Variants in RENBP observed in about 807,000 individuals in gnomAD.
RENBP encodes renin binding protein.
Under a neutral mutation model 37.8 loss-of-function variants are expected in RENBP, and 16 were observed. The ratio of observed to expected loss-of-function variants is 0.42; its 90% CI spans 0.29 to 0.64. The LOEUF is 0.64. Ranked by LOEUF, RENBP falls within the 30% of genes least tolerant of loss-of-function variation. RENBP has a pLI of 0.19. For synonymous variants in RENBP, 170 were observed against 154.8 expected (o/e 1.10, Z -0.73); for missense variants, 347 against 379.5 (o/e 0.91, Z 0.71).
chrX:153,935,311 G>T lies in RENBP; in HGVS notation c.1259C>A (p.Thr420Asn), dbSNP rs1412846764. 1.5e-5 allele frequency: 14 copies of T among 930,118 alleles called. No homozygotes were observed. Among genetic ancestry groups the T allele is most frequent in the Non-Finnish European group, 2.0e-5 (14 of 712,188 alleles). The allele number at this position is 930,118 out of a possible 1,213,427, so 76.7% of individuals were successfully genotyped here. The change falls in exon 11 of 11, where the codon ACC becomes AAC. Residue 420 changes from threonine (T) to asparagine (N), a missense_variant. Physicochemically the swap from Thr to Asn is moderately conservative, Grantham distance 65. Around this residue, in one of 3 missense-constraint regions of RENBP, gnomAD observed 91 missense variants for 67.7 expected, o/e 1.34. Transcript: ENST00000393700. Reference protein sequence around the residue: ...RPAPAPSPAPTPACRGAE With the variant: ...RPAPAPSPAPNPACRGAE ...TTATTCCGCGCCTCGGCAGGCGGGG[G>T]TGGGGGCGGGGGAGGGGGCGGGGGC...
At chrX:153,943,412 G>T in intron 5 of RENBP, 134 bp downstream of exon 5, 1 of 641,686 alleles carries the variant, frequency 1.6e-6, no homozygotes, top group Non-Finnish European at 2.4e-6. Context: ...GGGTAGGGGA[G>T]CGTTCAGAGG....
rs781796317 is a variant in RENBP, at chrX:153,942,852, C to A, written c.687+3G>T. Reference sequence around the variant, plus strand: ...CCACCCCAGCTCCCCAGGCATCCCCCACCTGCACGTGCTGCAGAATCCTCC... The same window carrying A: ...CCACCCCAGCTCCCCAGGCATCCCCAACCTGCACGTGCTGCAGAATCCTCC... On this transcript the variant is annotated splice_donor_region_variant and intron_variant, in intron 6 of 10. Transcript: ENST00000393700. 5 of 1,203,719 alleles carry A rather than the reference C, an allele frequency of 4.2e-6. No homozygotes were observed. The East Asian group carries it at 1.2e-4, about 29-fold the overall frequency.
rs782088007 is a variant in RENBP, at chrX:153,942,846, A to T, written c.687+9T>A. On this transcript the variant is annotated intron_variant, in intron 6 of 10. Transcript: ENST00000393700. Reference sequence around the variant, plus strand: ...CTCCCACCACCCCAGCTCCCCAGGCATCCCCCACCTGCACGTGCTGCAGAA... The same window carrying T: ...CTCCCACCACCCCAGCTCCCCAGGCTTCCCCCACCTGCACGTGCTGCAGAA... The T allele has an allele frequency of 8.0e-6, 7 of 870,626 alleles. No individual in the cohort carries two copies. Among genetic ancestry groups the T allele is most frequent in the Non-Finnish European group, 9.7e-6 (6 of 617,992 alleles). 71.7% of individuals were successfully genotyped at this position (870,626 alleles called of 1,213,427 possible).
rs782246196 is a variant in RENBP, at chrX:153,943,518, T to C, written c.462+28A>G. On this transcript the variant is annotated intron_variant, in intron 5 of 10. Transcript: ENST00000393700. ...GCCATGGCAGGGTCGCAGGGTGGGG[T>C]CTTCAGGGGCACCCTCCTCTCACAC... The C allele has an allele frequency of 2.2e-5, 26 of 1,183,423 alleles. No individual in the cohort carries two copies. The Admixed American group carries it at 2.5e-4, about 11-fold the overall frequency.
At chrX:153,941,925 GC>G in intron 7 of RENBP, 24 bp downstream of exon 7, 2 of 708,482 alleles carry the variant, frequency 2.8e-6, no homozygotes, top group Non-Finnish European at 4.6e-6. Context: ...CTCCTGGGTG[GC>G]CCCCAGCCCA....
rs2065234817 is a variant in RENBP at position 153,943,077 on chromosome X, C to T, written c.465G>A (p.Thr155=). ...WRATGEVRYQ[T]EAVEMMDQIV... ...TCTGATCCATCATCTCCACCGCTTC[C>T]GTCTGGGGGTGCAGGAGGCAAGGGG... Residue 155 remains threonine (T), a splice_region_variant and synonymous_variant, in exon 6 of 11, where the codon ACG becomes ACA. Transcript: ENST00000393700. 6 of 1,150,157 alleles carry T rather than the reference C, an allele frequency of 5.2e-6. No individual in the cohort carries two copies. The highest frequency in any genetic ancestry group is 3.1e-5 in the East Asian group (1 of 32,472). The allele number at this position is 1,150,157 out of a possible 1,213,427, so 94.8% of individuals were successfully genotyped here.
chrX:153,939,368 T>C (rs1290224851), intron 9 of RENBP, among the ~76,000 whole-genome samples: 1 of 112,441 alleles, frequency 8.9e-6, no homozygotes, highest in Non-Finnish European at 1.9e-5. Flanking sequence ...ATTATAGACA[T>C]GAGCCACTGT....
Position 153,940,185 on chromosome X carries a change from C to T in RENBP, c.994G>A (p.Ala332Thr), listed in dbSNP as rs1557109308. The T allele has an allele frequency of 8.3e-7, 1 of 1,210,571 alleles. No homozygotes were observed. The change falls in exon 9 of 11, where the codon GCC becomes ACC. Residue 332 changes from alanine (A) to threonine (T), a missense_variant. Transcript: ENST00000393700. The part of the protein sequence containing the change: ...LWWPHSEAMI[A>T]FLMGYSDSGD... ...CTGTCACTGTAACCCATGAGGAAGG[C>T]AATCATGGCTTCACTGTGTGGCCAC...
chrX:153,938,585 G>T (rs1386830167), intron 9 of RENBP, among the ~76,000 whole-genome samples: 1 of 107,483 alleles, frequency 9.3e-6, no homozygotes, highest in Non-Finnish European at 1.9e-5. Context: ...TCCACTGGGT[G>T]CCATGCCCTT....
At chrX:153,940,890 A>G (rs2065223001) in intron 8 of RENBP, among the ~76,000 whole-genome samples, 1 of 111,956 alleles carries the variant, frequency 8.9e-6, no homozygotes, top group Non-Finnish European at 1.9e-5. Context: ...CTATAATCCC[A>G]GCACTTTGGG....
intron 8 of RENBP, 38 bp from the exon 9 acceptor site, chrX:153,940,271 C>T (rs2065220723): frequency 2.5e-6 from 3 of 1,202,702 alleles, no homozygotes; most frequent in Admixed American, 4.4e-5. Flanking sequence ...CAGCAGGAAA[C>T]TCCCCTCCGC....
intron 4 of RENBP, 24 bp downstream of exon 4, chrX:153,943,871 G>A (rs1193619017): frequency 1.0e-5 from 12 of 1,173,699 alleles, no homozygotes; most frequent in Non-Finnish European, 1.4e-5. Flanking sequence ...GTCACTGGGA[G>A]ATGGGCAGGA....
chrX:153,940,341 C>T, intron 8 of RENBP, 108 bp from the exon 9 acceptor site: 3 of 1,001,381 alleles, frequency 3.0e-6, no homozygotes, highest in Non-Finnish European at 4.1e-6. Flanking sequence ...AATTGCGGGA[C>T]ATCTTTGGAA....
Position 153,944,566 on chromosome X carries a change from A to G in RENBP, c.27+18T>C, listed in dbSNP as rs1557110286. The G allele has an allele frequency of 8.6e-7, 1 of 1,167,115 alleles. No homozygotes were observed. The highest frequency in any genetic ancestry group is 1.1e-6 in the Non-Finnish European group (1 of 872,492). ...GACCCTCCAAGACAGCACTCCCCCC[A>G]AGCACCCCACCACTGGCCTGTCGCG... On this transcript the variant is annotated intron_variant, in intron 1 of 10. Coordinates refer to ENST00000393700, the MANE Select transcript of RENBP (RefSeq NM_002910.6).
chrX:153,941,393 G>GT lies in RENBP; in HGVS notation c.945+84dup, dbSNP rs782306564. 155 of 1,022,270 alleles carry GT rather than the reference G, an allele frequency of 1.5e-4. 1 individual carries two copies. Among genetic ancestry groups the GT allele is most frequent in the Non-Finnish European group, 2.0e-4 (151 of 744,663 alleles). The allele number at this position is 1,022,270 out of a possible 1,213,427, so 84.2% of individuals were successfully genotyped here. On this transcript the variant is annotated intron_variant, in intron 8 of 10. Transcript: ENST00000393700. Reference sequence around the variant, plus strand: ...CCTCTAGGTTCCAATCCAGCCCCAGGTTACCCTCTAGAGAAGCAACCACCT... The same window carrying GT: ...CCTCTAGGTTCCAATCCAGCCCCAGGTTTACCCTCTAGAGAAGCAACCACCT...
At chrX:153,941,925 G>GCGCCCCC in intron 7 of RENBP, 25 bp downstream of exon 7, 1 of 708,488 alleles carries the variant, frequency 1.4e-6, no homozygotes, top group Non-Finnish European at 2.3e-6. Flanking sequence ...CTCCTGGGTG[G>GCGCCCCC]CCCCCAGCCC....
Position 153,944,392 on chromosome X carries a change from C to T in RENBP, c.54G>A (p.Leu18=). 8.3e-7 allele frequency: 1 copy of T among 1,211,293 alleles called. No individual in the cohort carries two copies. Among genetic ancestry groups the T allele is most frequent in the South Asian group, 1.8e-5 (1 of 57,010 alleles). ...GCCCCACGCGCTCCTTCCAGGCCTG[C>T]AGAGTCTCTCGCTCTTTCTCCATGT... ...RQDMEKERET[L]QAWKERVGQE... is the part of the protein sequence containing the mutation. The change falls in exon 2 of 11, where the codon CTG becomes CTA. Residue 18 remains leucine, a synonymous_variant. Transcript: ENST00000393700.
intron 9 of RENBP, among the ~76,000 whole-genome samples, chrX:153,936,886 C>A (rs1252565526): frequency 8.9e-6 from 1 of 112,104 alleles, no homozygotes; most frequent in Admixed American, 9.5e-5. Context: ...TTGGTGTATT[C>A]TTCTTTGTAG....
At chrX:153,938,863 G>A (rs1182644130) in intron 9 of RENBP, among the ~76,000 whole-genome samples, 3 of 92,445 alleles carry the variant, frequency 3.2e-5, no homozygotes, top group Non-Finnish European at 6.1e-5. Context: ...GTGCGATCTC[G>A]GCTCACTGCA....
Sources: gnomAD v4.1 joint callset for allele counts (sites outside exome capture counted in the v4.1 genomes callset) on GRCh38, gnomAD v4.1.1 for gene constraint, gnomAD v4.1.1 regional missense constraint, MANE v1.5 for transcripts, NCBI Gene and HGNC (gene_info 2026-07-23, HGNC 2026-07-21) for gene names.